The following EMC4 variants were observed in gnomAD, a reference collection of about 807,000 sequenced individuals.
The protein encoded by EMC4 is ER membrane protein complex subunit 4.
In EMC4, 9 loss-of-function variants were observed where a neutral mutation model predicts 24.2. The observed-to-expected ratio is 0.37, with a 90% confidence interval of 0.22 to 0.65. The LOEUF (loss-of-function observed/expected upper bound fraction) is 0.65. Among genes scored for constraint, EMC4 ranks in the 30% least tolerant of loss-of-function variants. The probability of loss-of-function intolerance (pLI) is 0.59; values close to 1 mark genes in which losing one functional copy is unlikely to be tolerated. For synonymous variants in EMC4, 86 were observed against 81.1 expected, an observed-to-expected ratio of 1.06 and a Z score of -0.32; for missense variants, 169 against 234.6, an observed-to-expected ratio of 0.72 and a Z score of 1.83.
At position 34,229,964 on chromosome 15, in the gene EMC4, A is replaced by C. The variant is rs772615183; in HGVS notation, c.*176A>C. The C allele has an allele frequency of 1.5e-6, 1 of 651,514 alleles. No individual in the cohort carries two copies. The highest frequency in any genetic ancestry group is 1.8e-5 in the South Asian group (1 of 56,698). The allele number at this position is 651,514 out of a possible 1,614,324, so 40.4% of individuals were successfully genotyped here. On this transcript the variant is annotated 3_prime_UTR_variant, in exon 5 of 5. Coordinates refer to ENST00000267750, the MANE Select transcript of EMC4 (RefSeq NM_016454.4). ...AGAAGGACAATGTGCATATTACGAC[A>C]AACACAAAGAAACTATACCATAACC...
chr15:34,227,813 C>A lies in EMC4; in HGVS notation c.322C>A (p.Arg108=), dbSNP rs779743332. The change falls in exon 3 of 5, where the codon CGA becomes AGA. Residue 108 remains arginine, a synonymous_variant. Coordinates refer to ENST00000267750, the MANE Select transcript of EMC4 (RefSeq NM_016454.4). ...PTMMVCMMAW[R]PIQALMAISA... ...TATGATGGTGTGTATGATGGCCTGG[C>A]GACCCATTCAGGCACTTATGGCCAT... 36 of 1,613,788 alleles carry A rather than the reference C, an allele frequency of 2.2e-5. No individual in the cohort carries two copies. Among genetic ancestry groups the A allele is most frequent in the Non-Finnish European group, 3.0e-5 (35 of 1,179,868 alleles).
intron 1 of EMC4, 22 bp from the exon 2 acceptor site, chr15:34,225,514 G>C: frequency 6.3e-7 from 1 of 1,580,184 alleles, no homozygotes; most frequent in Non-Finnish European, 8.7e-7. Context: ...TGCAGCTTTA[G>C]TTTCTTGGTT....
chr15:34,228,206 A>G (rs1212362511), intron 3 of EMC4: 3 of 544,252 alleles, frequency 5.5e-6, no homozygotes, highest in African/African-American at 3.8e-5. Context: ...AATTAAAGGT[A>G]AATTCTTAGG....
At position 34,229,772 on chromosome 15, in the gene EMC4, G is replaced by A. The variant is rs1890793806; in HGVS notation, c.536G>A (p.Gly179Glu). ...TTTCAGAGAATGGAGTTCAGTGGTGGAGGACTGCTTTTGTGAACATGAGAA... is the reference window on the plus strand; with the variant it reads ...TTTCAGAGAATGGAGTTCAGTGGTGAAGGACTGCTTTTGTGAACATGAGAA... ...EPPERMEFSG[G>E]GLLL Residue 179 changes from glycine (G) to glutamate (E), a missense_variant, in exon 5 of 5, where the codon GGA becomes GAA. Coordinates refer to ENST00000267750, the MANE Select transcript of EMC4 (RefSeq NM_016454.4). 6.2e-7 allele frequency: 1 copy of A among 1,603,018 alleles called. No homozygotes were observed. The highest frequency in any genetic ancestry group is 1.7e-5 in the Admixed American group (1 of 58,092).
chr15:34,228,686 CTTTTTTTTTT>C (rs71119951), intron 4 of EMC4, 97 bp downstream of exon 4: 15 of 300,972 alleles, frequency 5.0e-5, no homozygotes, highest in South Asian at 6.8e-5. Flanking sequence ...ATTTGAGTTT[CTTTTTTTTTT>C]TTTTTTTTTT....
rs1484757059 is a variant in EMC4, at chr15:34,229,749, T to C, written c.517-4T>C. 3.2e-6 allele frequency: 5 copies of C among 1,547,306 alleles called. No individual in the cohort carries two copies. Among genetic ancestry groups the C allele is most frequent in the East Asian group, 4.5e-5 (2 of 44,538 alleles). Reference sequence around the variant, plus strand: ...ACCTATTTATTCTTTCTTTCTTCTTTCAGAGAATGGAGTTCAGTGGTGGAG... The same window carrying C: ...ACCTATTTATTCTTTCTTTCTTCTTCCAGAGAATGGAGTTCAGTGGTGGAG... On this transcript the variant is annotated splice_polypyrimidine_tract_variant and splice_region_variant and intron_variant, in intron 4 of 4. Transcript: ENST00000267750.
chr15:34,225,998 C>T, intron 2 of EMC4: 5 of 362,202 alleles, frequency 1.4e-5, no homozygotes, highest in South Asian at 1.1e-4. Context: ...TTCCTGTGTT[C>T]ACCTCTCATC....
chr15:34,227,518 T>G, intron 2 of EMC4, 175 bp from the exon 3 acceptor site: 1 of 579,774 alleles, frequency 1.7e-6, no homozygotes, highest in South Asian at 2.3e-5. Flanking sequence ...TTATCTTGAG[T>G]AGGAGAGCCT....
At chr15:34,225,442 C>T in intron 1 of EMC4, 94 bp from the exon 2 acceptor site, 1 of 1,017,052 alleles carries the variant, frequency 9.8e-7, no homozygotes, top group South Asian at 1.4e-5. Context: ...GTAGGTGCAT[C>T]TGAAGATCTT....
chr15:34,225,458 C>A lies in EMC4; in HGVS notation c.87-78C>A, dbSNP rs1890624687. 4.4e-6 allele frequency: 5 copies of A among 1,134,084 alleles called. No individual in the cohort carries two copies. The Admixed American group carries it at 7.0e-5, about 16-fold the overall frequency. The allele number at this position is 1,134,084 out of a possible 1,614,324, so 70.3% of individuals were successfully genotyped here. ...TAGGTGCATCTGAAGATCTTTATTC[C>A]TATGATTGGTAGATCAGGAAATGTG... On this transcript the variant is annotated intron_variant, in intron 1 of 4. Coordinates refer to ENST00000267750, the MANE Select transcript of EMC4 (RefSeq NM_016454.4).
rs563040720 is a variant in EMC4 at position 34,228,064 on chromosome 15, T to A, written c.355+218T>A. On this transcript the variant is annotated intron_variant, in intron 3 of 4. Coordinates refer to ENST00000267750, the MANE Select transcript of EMC4 (RefSeq NM_016454.4). ...TGGGCGTGGTGGCACACGCCTGTAA[T>A]CCCAGCTGCTTGGGAGGCTGAGACA... 150 of 479,710 alleles carry A rather than the reference T, an allele frequency of 3.1e-4. 4 individuals are homozygous for A. The South Asian group carries it at 3.6e-3, about 11-fold the overall frequency. 29.7% of individuals were successfully genotyped at this position (479,710 alleles called of 1,614,324 possible).
At chr15:34,228,002 G>A in intron 3 of EMC4, 156 bp downstream of exon 3, 1 of 690,552 alleles carries the variant, frequency 1.4e-6, no homozygotes, top group South Asian at 1.9e-5. Context: ...GGCCAACATG[G>A]TGAAACCTTG....
At chr15:34,225,270 C>G in intron 1 of EMC4, 70 bp downstream of exon 1, 4 of 1,305,898 alleles carry the variant, frequency 3.1e-6, no homozygotes, top group Non-Finnish European at 4.2e-6. Context: ...AGACCTGAGC[C>G]CTCAGGCATA....
At chr15:34,229,725 C>G in intron 4 of EMC4, 28 bp from the exon 5 acceptor site, 3 of 1,240,266 alleles carry the variant, frequency 2.4e-6, no homozygotes, top group Non-Finnish European at 2.3e-6. Context: ...TTGCCACTCA[C>G]CTATTTATTC....
chr15:34,229,012 C>T (rs1045184716), intron 4 of EMC4: 13 of 177,468 alleles, frequency 7.3e-5, no homozygotes, highest in Non-Finnish European at 8.0e-5. Flanking sequence ...AAATAAGAGC[C>T]ATTAGGAGTT....
intron 3 of EMC4, 115 bp from the exon 4 acceptor site, chr15:34,228,313 TG>T: frequency 9.4e-7 from 1 of 1,059,322 alleles, no homozygotes; most frequent in Non-Finnish European, 1.4e-6. Context: ...TTGCCTTTAA[TG>T]GTCCTATTTG....
rs760587376 is a variant in EMC4, at chr15:34,225,744, T to C, written c.201+94T>C. On this transcript the variant is annotated intron_variant, in intron 2 of 4. Transcript: ENST00000267750. ...AGGTGGAGTTAACGTAGATAGCTCT[T>C]ATCCTGAAGATTTGGAAACTAAACT... 18 of 980,340 alleles carry C rather than the reference T, an allele frequency of 1.8e-5. No homozygotes were observed. The Admixed American group carries it at 3.2e-4, about 18-fold the overall frequency. The allele number at this position is 980,340 out of a possible 1,614,324, so 60.7% of individuals were successfully genotyped here. A position where few individuals can be genotyped will look rare whatever the true frequency, so the allele number is the denominator to read the frequency against.
chr15:34,228,682 GTTTCTT>G (rs1890727409), intron 4 of EMC4, 93 bp downstream of exon 4: 13 of 567,554 alleles, frequency 2.3e-5, no homozygotes, highest in South Asian at 7.8e-5. Flanking sequence ...TGGTATTTGA[GTTTCTT>G]TTTTTTTTTT....
Position 34,229,879 on chromosome 15 carries a change from A to T in EMC4, c.*91A>T. ...TGGCTCCTCAGCATACTCTTAAACT[A>T]ATCACTTATGTTAAAAAGAACCAAA... On this transcript the variant is annotated 3_prime_UTR_variant, in exon 5 of 5. Transcript: ENST00000267750. 1 of 1,210,678 alleles carries T rather than the reference A, an allele frequency of 8.3e-7. No individual in the cohort carries two copies. Among genetic ancestry groups the T allele is most frequent in the East Asian group, 2.3e-5 (1 of 42,908 alleles). The allele number at this position is 1,210,678 out of a possible 1,614,324, so 75.0% of individuals were successfully genotyped here.
Sources: gnomAD v4.1 joint callset for allele counts on GRCh38, gnomAD v4.1.1 for gene constraint, MANE v1.5 for transcripts, NCBI Gene and HGNC (gene_info 2026-07-23, HGNC 2026-07-21) for gene names.